The following SENP8 variants were observed in gnomAD, a reference collection of about 807,000 sequenced individuals.
SENP8 encodes sentrin-specific protease 8.
SENP8 carries 10 observed loss-of-function variants against 14.4 expected under a neutral mutation model. The observed-to-expected ratio is 0.69, with a 90% CI of 0.43 to 1.18. The LOEUF is 1.18. Among genes scored for constraint, SENP8 ranks in the 50% most tolerant of loss-of-function variants. The pLI is 0.00. For missense variants in SENP8, 202 were observed against 249.4 expected (o/e 0.81, Z 1.28); for synonymous variants, 94 against 95.5 (o/e 0.98, Z 0.09).
At chr15:72,128,090 CAAAG>C (rs377721568) in intron 1 of SENP8, among the ~76,000 whole-genome samples, 8 of 130,392 alleles carry the variant, frequency 6.1e-5, no homozygotes, top group African/African-American at 2.3e-4. Context: ...GAGACGTTTT[CAAAG>C]AAAGAGAGAG....
Position 72,140,095 on chromosome 15 carries a change from C to A in SENP8, c.472C>A (p.Gln158Lys), listed in dbSNP as rs1187648354. The A allele has an allele frequency of 1.2e-6, 2 of 1,614,022 alleles. No homozygotes were observed. The highest frequency in any genetic ancestry group is 1.7e-6 in the Non-Finnish European group (2 of 1,180,042). The change falls in exon 2 of 2, where the codon CAA becomes AAA. Residue 158 changes from glutamine to lysine, a missense_variant. Coordinates refer to ENST00000340912, the MANE Select transcript of SENP8 (RefSeq NM_145204.4). ...AFVEEKAPAQ[Q>K]NSYDCGMYVI... ...TGTGGAAGAGAAAGCCCCTGCCCAA[C>A]AAAACAGCTATGACTGTGGGATGTA... is the stretch of plus-strand genomic sequence containing the variant.
chr15:72,136,813 G>C (rs1252909618), intron 1 of SENP8, among the ~76,000 whole-genome samples: 1 of 152,116 alleles, frequency 6.6e-6, no homozygotes, highest in East Asian at 1.9e-4. Context: ...CTCTCAATCT[G>C]CATGTGACAG....
chr15:72,133,826 A>C (rs1567069637), intron 1 of SENP8, among the ~76,000 whole-genome samples: 1 of 152,246 alleles, frequency 6.6e-6, no homozygotes, highest in South Asian at 2.1e-4. Flanking sequence ...CCTGACACAA[A>C]GGAGAACACT....
rs765734734 is a variant in SENP8 at position 72,140,414 on chromosome 15, C to T, written c.*152C>T. 3 of 631,572 alleles carry T rather than the reference C, an allele frequency of 4.8e-6. No homozygotes were observed. Among genetic ancestry groups the T allele is most frequent in the Non-Finnish European group, 5.6e-6 (2 of 355,016 alleles). 39.1% of individuals were successfully genotyped at this position (631,572 alleles called of 1,614,324 possible). A position where few individuals can be genotyped will look rare whatever the true frequency, so the allele number is the denominator to read the frequency against. On this transcript the variant is annotated 3_prime_UTR_variant, in exon 2 of 2. Transcript: ENST00000340912. ...AAAGAATATCATCCTCTGCATTATCCCCATGGAACGTTTCACTTTAACCCT... is the reference window on the plus strand; with the variant it reads ...AAAGAATATCATCCTCTGCATTATCTCCATGGAACGTTTCACTTTAACCCT...
Position 72,139,585 on chromosome 15 carries a change from C to T in SENP8, c.-39C>T. 1 of 1,578,066 alleles carries T rather than the reference C, an allele frequency of 6.3e-7. No homozygotes were observed. Among genetic ancestry groups the T allele is most frequent in the Admixed American group, 1.8e-5 (1 of 55,228 alleles). ...ATAATATTGTCTTCTAGCTCTTGTT[C>T]AGCTTCTGGAATTTCTGAGCAGCCC... On this transcript the variant is annotated 5_prime_UTR_variant, in exon 2 of 2. Coordinates refer to ENST00000340912, the MANE Select transcript of SENP8 (RefSeq NM_145204.4).
chr15:72,136,451 A>G lies in SENP8; in HGVS notation c.-47-3126A>G, dbSNP rs1322443858. The stretch of plus-strand genomic sequence containing the variant: ...CTCCACTAGTCTTTTTTTCTTAAGA[A>G]GATCCTAATTCATGCCATCTTATTA... On this transcript the variant is annotated intron_variant, in intron 1 of 1. Coordinates refer to ENST00000340912, the MANE Select transcript of SENP8 (RefSeq NM_145204.4). 2.0e-5 allele frequency among the ~76,000 whole-genome samples: 3 copies of G among 152,238 alleles called. No individual in the cohort carries two copies. In the East Asian group the frequency reaches 5.8e-4, roughly 29 times the overall value.
At chr15:72,127,323 G>A (rs558939811) in intron 1 of SENP8, among the ~76,000 whole-genome samples, 23 of 152,304 alleles carry the variant, frequency 1.5e-4, no homozygotes, top group Non-Finnish European at 1.0e-4. Context: ...AAATTAGAGT[G>A]ATAGTAACTG....
rs762718287 is a variant in SENP8 at position 72,139,558 on chromosome 15, C to G, written c.-47-19C>G. ...CATTTTACAGTCAGGTATTTATTGA[C>G]AATAATATTGTCTTCTAGCTCTTGT... On this transcript the variant is annotated intron_variant, in intron 1 of 1. Coordinates refer to ENST00000340912, the MANE Select transcript of SENP8 (RefSeq NM_145204.4). 5 of 1,541,836 alleles carry G rather than the reference C, an allele frequency of 3.2e-6. No individual in the cohort carries two copies. The highest frequency in any genetic ancestry group is 4.4e-6 in the Non-Finnish European group (5 of 1,145,382).
Position 72,141,798 on chromosome 15 carries a change from A to G in SENP8, c.*1536A>G, listed in dbSNP as rs897281588. The G allele has an allele frequency of 1.3e-5, 2 of 151,996 alleles. No individual in the cohort carries two copies. Among genetic ancestry groups the G allele is most frequent in the Admixed American group, 1.3e-4 (2 of 15,288 alleles). 9.4% of individuals were successfully genotyped at this position (151,996 alleles called of 1,614,324 possible). A position where few individuals can be genotyped will look rare whatever the true frequency, so the allele number is the denominator to read the frequency against. ...AATGGAAGATGGGGCTAGGAAAAAG[A>G]TTAGGAACTGGCAGTCATCCATAGA... On this transcript the variant is annotated 3_prime_UTR_variant, in exon 2 of 2. Coordinates refer to ENST00000340912, the MANE Select transcript of SENP8 (RefSeq NM_145204.4).
chr15:72,137,730 T>C (rs2081340167), intron 1 of SENP8, among the ~76,000 whole-genome samples: 1 of 152,204 alleles, frequency 6.6e-6, no homozygotes, highest in South Asian at 2.1e-4. Context: ...CCCAGCACTT[T>C]GGGTGGCTGA....
intron 1 of SENP8, among the ~76,000 whole-genome samples, chr15:72,134,328 CT>C (rs1237964937): frequency 6.6e-6 from 1 of 152,116 alleles, no homozygotes; most frequent in Non-Finnish European, 1.5e-5. Context: ...ACCTGTAATC[CT>C]AGCATTTAGT....
upstream of SENP8, among the ~76,000 whole-genome samples, chr15:72,115,507 A>T (rs1204436822): frequency 6.6e-6 from 1 of 152,108 alleles, no homozygotes; most frequent in Non-Finnish European, 1.5e-5. Context: ...CTTCTCCCCA[A>T]CCCCAAATAC....
intron 1 of SENP8, chr15:72,139,293 A>G (rs1382340533): frequency 1.8e-5 from 4 of 216,246 alleles, no homozygotes; most frequent in Admixed American, 5.4e-5. Flanking sequence ...AAAAGAAAAT[A>G]TATTTACTAT....
chr15:72,116,460 T>C (rs945560734), upstream of SENP8, among the ~76,000 whole-genome samples: 4 of 152,208 alleles, frequency 2.6e-5, no homozygotes, highest in Non-Finnish European at 5.9e-5. Flanking sequence ...AGAAGGCTGT[T>C]GTTGGTAATG....
Position 72,140,208 on chromosome 15 carries a change from C to G in SENP8, c.585C>G (p.Ile195Met). 1 of 1,614,132 alleles carries G rather than the reference C, an allele frequency of 6.2e-7. No individual in the cohort carries two copies. The highest frequency in any genetic ancestry group is 8.5e-7 in the Non-Finnish European group (1 of 1,180,002). Residue 195 changes from isoleucine to methionine, a missense_variant, in exon 2 of 2, where the codon ATC (isoleucine) becomes ATG (methionine). Ile to Met is a conservative substitution (Grantham distance 10, BLOSUM62 1). Coordinates refer to ENST00000340912, the MANE Select transcript of SENP8 (RefSeq NM_145204.4). ...SLLQLLTPAYITKKRGEWKDL... is the reference protein window; with the variant it reads ...SLLQLLTPAYMTKKRGEWKDL... ...TGCAGCTACTCACCCCTGCATACAT[C>G]ACAAAGAAGAGGGGAGAATGGAAAG... is the stretch of plus-strand genomic sequence containing the variant.
chr15:72,140,357 T>A lies in SENP8; in HGVS notation c.*95T>A, dbSNP rs1273864357. On this transcript the variant is annotated 3_prime_UTR_variant, in exon 2 of 2. Transcript: ENST00000340912. ...ATCTCAGTGCCTGAGGGAAGATGCCTAGTAGAGGAAAGCTTAATACTCTTT... is the reference window on the plus strand; with the variant it reads ...ATCTCAGTGCCTGAGGGAAGATGCCAAGTAGAGGAAAGCTTAATACTCTTT... 2 of 848,222 alleles carry A rather than the reference T, an allele frequency of 2.4e-6. No individual in the cohort carries two copies. Among genetic ancestry groups the A allele is most frequent in the East Asian group, 2.5e-5 (1 of 40,120 alleles). 52.5% of individuals were successfully genotyped at this position (848,222 alleles called of 1,614,324 possible). A position where few individuals can be genotyped will look rare whatever the true frequency, so the allele number is the denominator to read the frequency against.
rs760702397 is a variant in SENP8, at chr15:72,140,043, A to G, written c.420A>G (p.Leu140=). 1.2e-6 allele frequency: 2 copies of G among 1,614,188 alleles called. No homozygotes were observed. Among genetic ancestry groups the G allele is most frequent in the East Asian group, 4.5e-5 (2 of 44,888 alleles). The change falls in exon 2 of 2, where the codon TTA becomes TTG. Residue 140 remains leucine, a synonymous_variant. Coordinates refer to ENST00000340912, the MANE Select transcript of SENP8 (RefSeq NM_145204.4). ...KQVAEKLEAF[L]GRKGDKLAFV... is the part of the protein sequence containing the mutation. ...TAGCAGAGAAACTGGAGGCTTTCTT[A>G]GGCAGAAAAGGAGACAAACTGGCCT...
At chr15:72,135,457 T>G (rs918454972) in intron 1 of SENP8, 2 of 150,806 alleles carry the variant, frequency 1.3e-5, no homozygotes, top group South Asian at 4.2e-4. Context: ...AAAATAAAAA[T>G]AGAAAATATT....
chr15:72,134,838 T>G, intron 1 of SENP8: 1 of 284,146 alleles, frequency 3.5e-6, no homozygotes, highest in African/African-American at 2.3e-5. Flanking sequence ...GAGTTTACAG[T>G]GATACCCAGC....
Sources: allele counts gnomAD v4.1 joint callset (sites outside exome capture counted in the v4.1 genomes callset), GRCh38; gene constraint gnomAD v4.1.1; transcripts MANE v1.5; gene names NCBI Gene and HGNC (gene_info 2026-07-23, HGNC 2026-07-21).